HP1BP3: variants seen among roughly 807,000 people sequenced by gnomAD.
HP1BP3 encodes heterochromatin protein 1 binding protein 3.
A neutral mutation model predicts 62.5 loss-of-function variants in HP1BP3; 12 were observed. The ratio of observed to expected loss-of-function variants is 0.19; its 90% CI spans 0.12 to 0.31. The LOEUF (loss-of-function observed/expected upper bound fraction) is 0.31. HP1BP3 is among the 10% of genes least tolerant of loss of function. The pLI, the probability that HP1BP3 is intolerant of heterozygous loss-of-function variation, is 1.00. For synonymous variants in HP1BP3, 260 were observed against 237.8 expected (o/e 1.09, Z -0.86); for missense variants, 502 against 651.8 (o/e 0.77, Z 2.50).
At chr1:20,756,138 T>C (rs2056093637) in intron 9 of HP1BP3, among the ~76,000 whole-genome samples, 1 of 152,206 alleles carries the variant, frequency 6.6e-6, no homozygotes, top group Non-Finnish European at 1.5e-5. Context: ...AATTAAATTG[T>C]ATAAGGTATG....
intron 4 of HP1BP3, chr1:20,774,808 C>G (rs938239402): frequency 1.3e-5 from 2 of 151,998 alleles, no homozygotes; most frequent in Non-Finnish European, 2.9e-5. Context: ...CATGGTGAAA[C>G]CCCCGTCTCT....
At chr1:20,769,461 G>T (rs1477882847) in intron 6 of HP1BP3, among the ~76,000 whole-genome samples, 6 of 152,188 alleles carry the variant, frequency 3.9e-5, no homozygotes, top group Non-Finnish European at 8.8e-5. Context: ...GGGAGGCTGA[G>T]GTGGGAAGAC....
chr1:20,750,713 ACAC>A (rs1305424911), intron 9 of HP1BP3, among the ~76,000 whole-genome samples: 1 of 151,832 alleles, frequency 6.6e-6, no homozygotes, highest in East Asian at 1.9e-4. Context: ...AGCAAGACCA[ACAC>A]CTCCTTGTCC....
chr1:20,782,421 A>AG (rs958438591), intron 1 of HP1BP3, among the ~76,000 whole-genome samples: 8 of 151,944 alleles, frequency 5.3e-5, no homozygotes, highest in African/African-American at 1.9e-4. Context: ...CTCTAAAAAA[A>AG]AAAAATTAAA....
At chr1:20,785,235 T>G (rs978412271) in intron 1 of HP1BP3, among the ~76,000 whole-genome samples, 1 of 151,978 alleles carries the variant, frequency 6.6e-6, no homozygotes, top group Non-Finnish European at 1.5e-5. Context: ...ATGCAAGCAA[T>G]AAAAAAAAGT....
intron 9 of HP1BP3, among the ~76,000 whole-genome samples, chr1:20,756,553 G>A (rs903717475): frequency 2.0e-5 from 3 of 152,090 alleles, no homozygotes; most frequent in Non-Finnish European, 4.4e-5. Context: ...CTGGGAAACA[G>A]AGAGAAACAC....
chr1:20,745,439 T>A (rs943073764), intron 12 of HP1BP3, 104 bp downstream of exon 12: 1 of 1,345,634 alleles, frequency 7.4e-7, no homozygotes, highest in Non-Finnish European at 9.9e-7. Flanking sequence ...AGAAGGATCC[T>A]GAGTTTCTGA....
chr1:20,761,005 G>A (rs896457354), intron 8 of HP1BP3, among the ~76,000 whole-genome samples: 1 of 152,132 alleles, frequency 6.6e-6, no homozygotes, highest in Admixed American at 6.6e-5. Context: ...GAGAATGGTA[G>A]TGCAGGTGAT....
At chr1:20,767,320 C>CA (rs1452801311) in intron 7 of HP1BP3, among the ~76,000 whole-genome samples, 1 of 152,064 alleles carries the variant, frequency 6.6e-6, no homozygotes, top group Non-Finnish European at 1.5e-5. Context: ...CATCTCAAAA[C>CA]AAAAAACAGT....
intron 3 of HP1BP3, among the ~76,000 whole-genome samples, chr1:20,778,561 G>T (rs1437230659): frequency 6.6e-6 from 1 of 152,296 alleles, no homozygotes; most frequent in Admixed American, 6.5e-5. Context: ...GCTTATCCCA[G>T]TGCTGGACAA....
At chr1:20,778,706 G>C in intron 3 of HP1BP3, among the ~76,000 whole-genome samples, 1 of 152,010 alleles carries the variant, frequency 6.6e-6, no homozygotes, top group South Asian at 2.1e-4. Flanking sequence ...AAAAATCCAG[G>C]CTCAGCCAGA....
chr1:20,783,769 CAAAAAAAAAAAA>C lies in HP1BP3; in HGVS notation c.-100-3241_-100-3230del, dbSNP rs1164930528. 1.5e-4 allele frequency among the ~76,000 whole-genome samples: 8 copies of C among 53,136 alleles called. No homozygotes were observed. In the South Asian group the frequency reaches 5.2e-3, roughly 35 times the overall value. 34.9% of individuals were successfully genotyped at this position (53,136 alleles called of 152,430 possible). ...TGGGTAACAGTGTGAGACTCTGTCTCAAAAAAAAAAAAAAAAAAAAAAAAAGAGATGTTAGCC... is the reference window on the plus strand; with the variant it reads ...TGGGTAACAGTGTGAGACTCTGTCTCAAAAAAAAAAAAAGAGATGTTAGCC... On this transcript the variant is annotated intron_variant, in intron 1 of 12. Transcript: ENST00000438032.
At chr1:20,759,776 G>A (rs1369757609) in intron 8 of HP1BP3, among the ~76,000 whole-genome samples, 2 of 152,086 alleles carry the variant, frequency 1.3e-5, no homozygotes, top group African/African-American at 4.8e-5. Context: ...TCAGGTAAAG[G>A]GAATGCAACA....
At chr1:20,768,175 G>C (rs1307661230) in intron 6 of HP1BP3, among the ~76,000 whole-genome samples, 1 of 152,134 alleles carries the variant, frequency 6.6e-6, no homozygotes, top group Non-Finnish European at 1.5e-5. Context: ...GGCTGGGCGC[G>C]GTGGCTCATG....
chr1:20,787,036 T>A (rs1306780393), intron 1 of HP1BP3, among the ~76,000 whole-genome samples, 159 bp downstream of exon 1: 1 of 150,940 alleles, frequency 6.6e-6, no homozygotes, highest in Non-Finnish European at 1.5e-5. Flanking sequence ...AGCGGCCGGG[T>A]AAGGCAGACA....
rs964831508 is a variant in HP1BP3 at position 20,742,581 on chromosome 1, A to G, written c.*2216T>C. 1.3e-5 allele frequency: 2 copies of G among 152,624 alleles called. No homozygotes were observed. 9.5% of individuals were successfully genotyped at this position (152,624 alleles called of 1,614,324 possible). ...TTTAAAAAGGAAAATGATGGTGTTCATTTCAAGGAGTAGAAAAGACTTAAA... is the reference window on the plus strand; with the variant it reads ...TTTAAAAAGGAAAATGATGGTGTTCGTTTCAAGGAGTAGAAAAGACTTAAA... On this transcript the variant is annotated 3_prime_UTR_variant, in exon 13 of 13. Coordinates refer to ENST00000438032, the MANE Select transcript of HP1BP3 (RefSeq NM_001372052.1).
chr1:20,770,708 CAATT>C (rs1416720943), intron 6 of HP1BP3, among the ~76,000 whole-genome samples: 1 of 152,066 alleles, frequency 6.6e-6, no homozygotes, highest in Admixed American at 6.6e-5. Context: ...AAAAAATATC[CAATT>C]AAGAGCAAAG....
Position 20,780,513 on chromosome 1 carries a change from A to T in HP1BP3, c.-73T>A. 1.8e-6 allele frequency: 2 copies of T among 1,089,494 alleles called. No individual in the cohort carries two copies. Among genetic ancestry groups the T allele is most frequent in the Non-Finnish European group, 2.8e-6 (2 of 708,156 alleles). The allele number at this position is 1,089,494 out of a possible 1,614,324, so 67.5% of individuals were successfully genotyped here. A position where few individuals can be genotyped will look rare whatever the true frequency, so the allele number is the denominator to read the frequency against. On this transcript the variant is annotated 5_prime_UTR_variant, in exon 2 of 13. Transcript: ENST00000438032. ...GCTGTTAACCACAAGGATTTTTCCTAATGGTTTCAGTGTGGTGAAGAATCA... is the reference window on the plus strand; with the variant it reads ...GCTGTTAACCACAAGGATTTTTCCTTATGGTTTCAGTGTGGTGAAGAATCA...
chr1:20,760,576 C>T (rs1035076702), intron 8 of HP1BP3, among the ~76,000 whole-genome samples: 1 of 151,244 alleles, frequency 6.6e-6, no homozygotes, highest in East Asian at 1.9e-4. Context: ...GGCACAGTGG[C>T]TCACGTCTGT....
Sources: allele counts gnomAD v4.1 joint callset (sites outside exome capture counted in the v4.1 genomes callset), GRCh38; gene constraint gnomAD v4.1.1; transcripts MANE v1.5; gene names NCBI Gene and HGNC (gene_info 2026-07-23, HGNC 2026-07-21).